Variants in ITSN1 observed in about 807,000 individuals in gnomAD.
ITSN1 encodes the protein intersectin-1.
In ITSN1, 58 loss-of-function variants were observed where a neutral mutation model predicts 239.8. The ratio of observed to expected loss-of-function variants is 0.24; its 90% CI spans 0.20 to 0.30. The LOEUF (loss-of-function observed/expected upper bound fraction) is 0.30. Ranked by LOEUF, ITSN1 falls within the 10% of genes least tolerant of loss-of-function variation. ITSN1 has a pLI of 1.00. For missense variants in ITSN1, 1,558 were observed against 2,103.3 expected, an observed-to-expected ratio of 0.74 and a Z score of 5.07; for synonymous variants, 780 against 770.8, an observed-to-expected ratio of 1.01 and a Z score of -0.20.
At chr21:33,645,215 A>C (rs1374445871) in intron 1 of ITSN1, among the ~76,000 whole-genome samples, 1 of 152,140 alleles carries the variant, frequency 6.6e-6, no homozygotes, top group Non-Finnish European at 1.5e-5. Flanking sequence ...TATATTATGC[A>C]CCTCAAATTC....
At chr21:33,858,423 T>A (rs548630928) in intron 30 of ITSN1, among the ~76,000 whole-genome samples, 1 of 152,216 alleles carries the variant, frequency 6.6e-6, no homozygotes, top group East Asian at 1.9e-4. Context: ...TCTGGTGGAG[T>A]TAAGACCTGT....
intron 1 of ITSN1, among the ~76,000 whole-genome samples, chr21:33,695,860 T>C (rs192304513): frequency 2.6e-4 from 40 of 152,332 alleles, no homozygotes; most frequent in Non-Finnish European, 3.8e-4. Context: ...CAGGATTCTT[T>C]TCAGCTTTTC....
At chr21:33,775,129 A>C in intron 14 of ITSN1, 21 bp downstream of exon 14, 1 of 1,599,682 alleles carries the variant, frequency 6.3e-7, no homozygotes, top group East Asian at 2.2e-5. Context: ...ATGCCTCTTA[A>C]AAGCTATTAT....
At chr21:33,697,121 C>T (rs1435722720) in intron 1 of ITSN1, among the ~76,000 whole-genome samples, 26 of 148,748 alleles carry the variant, frequency 1.7e-4, no homozygotes, top group Non-Finnish European at 3.4e-4. Context: ...CTCACTCTGT[C>T]GCCCAAGTTG....
chr21:33,871,630 A>G (rs558652465), intron 33 of ITSN1, among the ~76,000 whole-genome samples: 353 of 151,736 alleles, frequency 2.3e-3, no homozygotes, highest in African/African-American at 8.1e-3. Context: ...AGTCCCAGCT[A>G]CTCAGGAGGC....
chr21:33,785,268 C>T (rs2070565658), intron 16 of ITSN1, among the ~76,000 whole-genome samples: 1 of 152,100 alleles, frequency 6.6e-6, no homozygotes, highest in Non-Finnish European at 1.5e-5. Flanking sequence ...AATTGATTCT[C>T]ACTATTTTGG....
rs968083825 is a variant in ITSN1 at position 33,815,855 on chromosome 21, G to A, written c.2727+1783G>A. Among the ~76,000 whole-genome samples, 31 of 149,984 alleles carry A rather than the reference G, an allele frequency of 2.1e-4. 1 individual carries two copies. Among genetic ancestry groups the A allele is most frequent in the Admixed American group, 2.0e-3 (30 of 14,940 alleles). On this transcript the variant is annotated intron_variant, in intron 22 of 39. Transcript: ENST00000381318. ...CCTGGAGGGGCTGCGGAGTGTAGAA[G>A]AGGTTTGGGAGCAGGCGAATGAGGG...
chr21:33,863,831 TGTG>T (rs1433109435), intron 31 of ITSN1, among the ~76,000 whole-genome samples: 1 of 152,230 alleles, frequency 6.6e-6, no homozygotes, highest in Non-Finnish European at 1.5e-5. Flanking sequence ...TTTTGCTCGT[TGTG>T]GTATTTCACA....
chr21:33,795,184 C>T (rs2071442774), intron 17 of ITSN1, among the ~76,000 whole-genome samples: 1 of 152,204 alleles, frequency 6.6e-6, no homozygotes, highest in South Asian at 2.1e-4. Flanking sequence ...GGCATGGTGG[C>T]TCACACCTGT....
rs74425890 is a variant in ITSN1, at chr21:33,792,696, G to C, written c.1825-1645G>C. ...CAGCACTTTAAACAGTCAGTGTGAG[G>C]CTGCATCATTGCTTTCCAGTCTTAG... On this transcript the variant is annotated intron_variant, in intron 16 of 39. Transcript: ENST00000381318. Among the ~76,000 whole-genome samples, 185 of 152,220 alleles carry C rather than the reference G, an allele frequency of 1.2e-3. 2 individuals are homozygous for C. The East Asian group carries it at 0.033, about 27-fold the overall frequency.
At chr21:33,853,676 G>GT (rs1337681350) in intron 29 of ITSN1, among the ~76,000 whole-genome samples, 2 of 152,208 alleles carry the variant, frequency 1.3e-5, no homozygotes, top group Non-Finnish European at 2.9e-5. Context: ...AGTAACACTA[G>GT]TGTTTCTCAA....
At chr21:33,755,241 T>C (rs2067827682) in intron 7 of ITSN1, 56 bp from the exon 8 acceptor site, 2 of 972,958 alleles carry the variant, frequency 2.1e-6, no homozygotes, top group Non-Finnish European at 3.1e-6. Context: ...TAAGGAACTT[T>C]ACCAGGCTGT....
chr21:33,836,668 T>G, intron 29 of ITSN1, 36 bp downstream of exon 29: 1 of 1,525,736 alleles, frequency 6.6e-7, no homozygotes, highest in Non-Finnish European at 9.1e-7. Flanking sequence ...CTCGCCTCTC[T>G]GGTATCTTCC....
intron 20 of ITSN1, among the ~76,000 whole-genome samples, chr21:33,802,876 A>G (rs9978415): frequency 0.15 from 22,125 of 152,174 alleles, 2,069 homozygotes; most frequent in East Asian, 0.28. Flanking sequence ...ATGGACAGTC[A>G]ACAATATGCA....
At chr21:33,822,849 A>G (rs900475657) in intron 24 of ITSN1, among the ~76,000 whole-genome samples, 2 of 152,172 alleles carry the variant, frequency 1.3e-5, no homozygotes, top group African/African-American at 4.8e-5. Flanking sequence ...TGACAACTAG[A>G]TGCCCATTTT....
chr21:33,856,428 A>G (rs1979356625), intron 29 of ITSN1, among the ~76,000 whole-genome samples: 1 of 152,204 alleles, frequency 6.6e-6, no homozygotes, highest in African/African-American at 2.4e-5. Flanking sequence ...ACATCACTCC[A>G]GGTTCTGCCT....
chr21:33,829,191 A>T (rs1279535703), intron 26 of ITSN1: 1 of 367,270 alleles, frequency 2.7e-6, no homozygotes, highest in Non-Finnish European at 5.3e-6. Flanking sequence ...TAGAAAAGCT[A>T]TTGAGTCCTT....
At chr21:33,676,185 G>C (rs904766347) in intron 1 of ITSN1, among the ~76,000 whole-genome samples, 2 of 151,866 alleles carry the variant, frequency 1.3e-5, no homozygotes, top group Non-Finnish European at 2.9e-5. Flanking sequence ...GTTTCACCAC[G>C]TTGGTCAGGC....
chr21:33,708,122 T>C (rs547170605), intron 1 of ITSN1, among the ~76,000 whole-genome samples: 5 of 152,362 alleles, frequency 3.3e-5, no homozygotes, highest in African/African-American at 9.6e-5. Flanking sequence ...ATTTCCCTGA[T>C]GATTAATAAT....
Sources: gnomAD v4.1 joint callset for allele counts (sites outside exome capture counted in the v4.1 genomes callset) on GRCh38, gnomAD v4.1.1 for gene constraint, MANE v1.5 for transcripts, NCBI Gene and HGNC (gene_info 2026-07-23, HGNC 2026-07-21) for gene names.